Variants in APPL1 observed in about 807,000 individuals in gnomAD.
APPL1 encodes adaptor protein, phosphotyrosine interacting with PH domain and leucine zipper 1, also known as DCC-interacting protein 13-alpha.
In APPL1, 42 loss-of-function variants were observed where a neutral mutation model predicts 106.8. The ratio of observed to expected loss-of-function variants is 0.39; its 90% confidence interval spans 0.31 to 0.51. APPL1 has a LOEUF of 0.51. Among genes scored for constraint, APPL1 ranks in the 20% least tolerant of loss-of-function variants. The probability of loss-of-function intolerance (pLI) is 0.75; values close to 1 mark genes in which losing one functional copy is unlikely to be tolerated. For missense variants in APPL1, 769 were observed against 858.2 expected, an observed-to-expected ratio of 0.90 and a Z score of 1.30; for synonymous variants, 263 against 281.8, an observed-to-expected ratio of 0.93 and a Z score of 0.67.
At chr3:57,229,604 G>C (rs187713208) in intron 1 of APPL1, among the ~76,000 whole-genome samples, 2 of 150,842 alleles carry the variant, frequency 1.3e-5, no homozygotes, top group Admixed American at 6.6e-5. Flanking sequence ...AGACACTATC[G>C]TAGTGCACTG....
At chr3:57,231,338 CAAAAAA>C (rs71088043) in intron 1 of APPL1, among the ~76,000 whole-genome samples, 12 of 72,248 alleles carry the variant, frequency 1.7e-4, no homozygotes, top group Non-Finnish European at 2.4e-4. Flanking sequence ...GACTCCGTCT[CAAAAAA>C]AAAAAAAAAA....
At chr3:57,247,817 G>A (rs2060783042) in intron 9 of APPL1, among the ~76,000 whole-genome samples, 1 of 152,072 alleles carries the variant, frequency 6.6e-6, no homozygotes, top group Non-Finnish European at 1.5e-5. Flanking sequence ...TTGTTTCCAA[G>A]CCATGAAAGC....
rs966937428 is a variant in APPL1, at chr3:57,260,859, ATTAAATTAG to A, written c.1842+89_1842+97del. ...TTTAATAATAATTAAATTCTTACAA[ATTAAATTAG>A]TTAGTAATTACTGATTGAATTCTTT... On this transcript the variant is annotated intron_variant, in intron 19 of 21. Transcript: ENST00000288266. 9.7e-4 allele frequency: 476 copies of A among 490,134 alleles called. 1 individual carries two copies. In the East Asian group the frequency reaches 0.15, roughly 154 times the overall value. The allele number at this position is 490,134 out of a possible 1,614,324, so 30.4% of individuals were successfully genotyped here.
Position 57,264,743 on chromosome 3 carries a change from G to A in APPL1, c.1843-2999G>A, listed in dbSNP as rs146110248. Among the ~76,000 whole-genome samples, 870 of 150,528 alleles carry A rather than the reference G, an allele frequency of 5.8e-3. 8 individuals are homozygous for A. Among genetic ancestry groups the A allele is most frequent in the African/African-American group, 0.02 (835 of 41,104 alleles). On this transcript the variant is annotated intron_variant, in intron 19 of 21. Transcript: ENST00000288266. Reference sequence around the variant, plus strand: ...TGGTGCCTTTGTCAAAAATGAGTTCGCTGTAGTTGTGTGGATTTGTTTCTG... The same window carrying A: ...TGGTGCCTTTGTCAAAAATGAGTTCACTGTAGTTGTGTGGATTTGTTTCTG...
At chr3:57,233,800 T>C (rs1364884484) in intron 1 of APPL1, among the ~76,000 whole-genome samples, 1 of 152,060 alleles carries the variant, frequency 6.6e-6, no homozygotes, top group Non-Finnish European at 1.5e-5. Context: ...TTTTTGGCCA[T>C]GTGTGGTGGC....
intron 19 of APPL1, among the ~76,000 whole-genome samples, chr3:57,264,579 A>T (rs969409493): frequency 4.1e-5 from 6 of 146,202 alleles, no homozygotes; most frequent in Admixed American, 6.6e-5. Context: ...AAAATAAAAA[A>T]AATAAAAAAA....
intron 13 of APPL1, among the ~76,000 whole-genome samples, chr3:57,255,151 CA>C (rs1326039754): frequency 6.6e-6 from 1 of 152,152 alleles, no homozygotes; most frequent in Non-Finnish European, 1.5e-5. Context: ...CCCAGGGGTA[CA>C]GAGAATTCTG....
At chr3:57,264,573 TA>T (rs767949059) in intron 19 of APPL1, among the ~76,000 whole-genome samples, 30 of 145,718 alleles carry the variant, frequency 2.1e-4, no homozygotes, top group African/African-American at 3.2e-4. Context: ...TAAAAAAAAA[TA>T]AAAAAAATAA....
chr3:57,265,560 A>G (rs1051339445), intron 19 of APPL1, among the ~76,000 whole-genome samples: 1 of 151,962 alleles, frequency 6.6e-6, no homozygotes, highest in African/African-American at 2.4e-5. Flanking sequence ...CAGATTGTTC[A>G]CTGTTGGCAT....
chr3:57,227,767 G>A lies in APPL1; in HGVS notation c.-117G>A, dbSNP rs1389716212. The A allele has an allele frequency of 5.8e-6, 5 of 862,502 alleles. No individual in the cohort carries two copies. In the South Asian group the frequency reaches 1.3e-4, roughly 22 times the overall value. 53.4% of individuals were successfully genotyped at this position (862,502 alleles called of 1,614,324 possible). ...GCGCCTGGAGAAGGCTGTGCGGGCG[G>A]GGACGGCTGCAGCCCTTGCCGGAGA... On this transcript the variant is annotated 5_prime_UTR_variant, in exon 1 of 22. Coordinates refer to ENST00000288266, the MANE Select transcript of APPL1 (RefSeq NM_012096.3).
rs1444037858 is a variant in APPL1, at chr3:57,246,218, C to T, written c.617C>T (p.Ala206Val). ...GAACCTCTACTTGGGTACATGCAAG[C>T]TCAGGTAAATACTGTACTGTATTTG... Reference protein sequence around the residue: ...LLEPLLGYMQAQISFFKMGSE... With the variant: ...LLEPLLGYMQVQISFFKMGSE... Residue 206 changes from alanine to valine, a missense_variant, in exon 8 of 22, where the codon GCT (alanine) becomes GTT (valine). Coordinates refer to ENST00000288266, the MANE Select transcript of APPL1 (RefSeq NM_012096.3). 6.3e-7 allele frequency: 1 copy of T among 1,596,900 alleles called. No individual in the cohort carries two copies. Among genetic ancestry groups the T allele is most frequent in the East Asian group, 2.2e-5 (1 of 44,554 alleles).
intron 19 of APPL1, among the ~76,000 whole-genome samples, chr3:57,265,137 T>C (rs1264323244): frequency 6.6e-6 from 1 of 151,786 alleles, no homozygotes; most frequent in Non-Finnish European, 1.5e-5. Flanking sequence ...CAGTGTTTTA[T>C]AGTTTTTTGT....
intron 5 of APPL1, among the ~76,000 whole-genome samples, chr3:57,241,334 C>T (rs1481525018): frequency 1.3e-5 from 2 of 152,078 alleles, no homozygotes; most frequent in Non-Finnish European, 2.9e-5. Context: ...CAATCTGCAA[C>T]CTAGTCGTTT....
rs1278819895 is a variant in APPL1, at chr3:57,238,068, T to C, written c.237T>C (p.Asp79=). The C allele has an allele frequency of 6.2e-7, 1 of 1,611,820 alleles. No homozygotes were observed. Among genetic ancestry groups the C allele is most frequent in the Non-Finnish European group, 8.5e-7 (1 of 1,179,164 alleles). The part of the protein sequence containing the change: ...EKQRFPLGGD[D]EVMSSTLQQF... ...AGCGTTTTCCATTGGGAGGTGATGA[T>C]GAAGTTATGAGCTCTACATTGCAAC... Residue 79 remains aspartate, a synonymous_variant, in exon 4 of 22, where the codon GAT becomes GAC. Coordinates refer to ENST00000288266, the MANE Select transcript of APPL1 (RefSeq NM_012096.3).
intron 2 of APPL1, among the ~76,000 whole-genome samples, chr3:57,237,022 C>A (rs1414639448): frequency 2.0e-5 from 3 of 152,054 alleles, no homozygotes; most frequent in Admixed American, 1.3e-4. Flanking sequence ...AAGAAATGTT[C>A]TCTTTGTTAT....
At chr3:57,269,417 T>C in intron 21 of APPL1, 124 bp from the exon 22 acceptor site, 1 of 895,528 alleles carries the variant, frequency 1.1e-6, no homozygotes, top group Non-Finnish European at 1.6e-6. Context: ...TTTTATCAAG[T>C]TGTCAGAAGT....
intron 15 of APPL1, among the ~76,000 whole-genome samples, chr3:57,258,137 C>T (rs1425825264): frequency 6.6e-6 from 1 of 152,150 alleles, no homozygotes; most frequent in African/African-American, 2.4e-5. Flanking sequence ...TTTAGAACCA[C>T]TTAGCTCTCT....
intron 4 of APPL1, among the ~76,000 whole-genome samples, chr3:57,238,862 T>C (rs941995524): frequency 2.6e-5 from 4 of 152,206 alleles, no homozygotes; most frequent in South Asian, 2.1e-4. Flanking sequence ...CCATAACCAC[T>C]GTATGGTTTT....
rs1388201231 is a variant in APPL1 at position 57,257,473 on chromosome 3, C to T, written c.1430+45C>T. On this transcript the variant is annotated intron_variant, in intron 15 of 21. Transcript: ENST00000288266. ...GTACATTGTGCTGTGGTCTGTAAGG[C>T]TTATAATCCCCTGTCTGCATTTCAG... The T allele has an allele frequency of 1.2e-5, 17 of 1,459,046 alleles. No homozygotes were observed. The South Asian group carries it at 1.3e-4, about 11-fold the overall frequency. The allele number at this position is 1,459,046 out of a possible 1,614,324, so 90.4% of individuals were successfully genotyped here. A position where few individuals can be genotyped will look rare whatever the true frequency, so the allele number is the denominator to read the frequency against.
Sources: gnomAD v4.1 joint callset for allele counts (sites outside exome capture counted in the v4.1 genomes callset) on GRCh38, gnomAD v4.1.1 for gene constraint, MANE v1.5 for transcripts, NCBI Gene and HGNC (gene_info 2026-07-23, HGNC 2026-07-21) for gene names.